Variants in PLCB1 observed in about 807,000 individuals in gnomAD.
PLCB1 encodes phospholipase C beta 1, also known as 1-phosphatidylinositol 4,5-bisphosphate phosphodiesterase beta-1.
In PLCB1, 46 loss-of-function variants were observed where a neutral mutation model predicts 161.8. The ratio of observed to expected loss-of-function variants is 0.28; its 90% CI spans 0.22 to 0.36. The LOEUF is 0.36. Ranked by LOEUF, PLCB1 falls within the 10% of genes least tolerant of loss-of-function variation. The pLI, the probability that PLCB1 is intolerant of heterozygous loss-of-function variation, is 1.00. For synonymous variants in PLCB1, 517 were observed against 503.7 expected, an observed-to-expected ratio of 1.03 and a Z score of -0.35; for missense variants, 1,016 against 1,472.5, an observed-to-expected ratio of 0.69 and a Z score of 5.07.
intron 2 of PLCB1, among the ~76,000 whole-genome samples, chr20:8,327,841 A>C (rs547862377): frequency 7.9e-5 from 12 of 152,086 alleles, no homozygotes; most frequent in Non-Finnish European, 1.5e-4. Context: ...ATTATCTTGT[A>C]GTTCATTTCA....
At chr20:8,391,006 A>G (rs1987569522) in intron 3 of PLCB1, among the ~76,000 whole-genome samples, 1 of 151,840 alleles carries the variant, frequency 6.6e-6, no homozygotes, top group African/African-American at 2.4e-5. Context: ...TGTTTGTCTA[A>G]ATGCATTTTG....
chr20:8,163,454 CA>C (rs1568574627), intron 2 of PLCB1, among the ~76,000 whole-genome samples: 1 of 152,218 alleles, frequency 6.6e-6, no homozygotes, highest in Non-Finnish European at 1.5e-5. Context: ...TACATGAAAA[CA>C]CATGGGCACC....
intron 2 of PLCB1, among the ~76,000 whole-genome samples, chr20:8,282,875 G>A (rs953678332): frequency 6.6e-6 from 1 of 152,112 alleles, no homozygotes; most frequent in Non-Finnish European, 1.5e-5. Context: ...GTATTAATTA[G>A]GATATGGGTC....
At chr20:8,645,259 A>G (rs891133143) in intron 4 of PLCB1, among the ~76,000 whole-genome samples, 3 of 151,540 alleles carry the variant, frequency 2.0e-5, no homozygotes, top group Non-Finnish European at 1.5e-5. Context: ...TTGTCCTATG[A>G]CCCTGCCAAA....
intron 3 of PLCB1, among the ~76,000 whole-genome samples, chr20:8,619,369 A>C (rs1968298399): frequency 6.6e-6 from 1 of 152,184 alleles, no homozygotes; most frequent in Admixed American, 6.5e-5. Flanking sequence ...CAGTGAGCCA[A>C]GATTGCACCA....
chr20:8,191,147 T>G lies in PLCB1; in HGVS notation c.177+40776T>G, dbSNP rs572944767. Among the ~76,000 whole-genome samples the G allele has an allele frequency of 4.6e-5, 7 of 152,168 alleles. No homozygotes were observed. The East Asian group carries it at 1.4e-3, about 29-fold the overall frequency. On this transcript the variant is annotated intron_variant, in intron 2 of 31. Coordinates refer to ENST00000338037, the MANE Select transcript of PLCB1 (RefSeq NM_015192.4). Reference sequence around the variant, plus strand: ...TTTCTTATTTTTTATTTTTTATTTTTTAATTTTTATGGGTACATAGTAGGT... The same window carrying G: ...TTTCTTATTTTTTATTTTTTATTTTGTAATTTTTATGGGTACATAGTAGGT...
chr20:8,853,927 G>A (rs371286416), intron 31 of PLCB1, among the ~76,000 whole-genome samples: 77 of 152,278 alleles, frequency 5.1e-4, no homozygotes, highest in African/African-American at 1.8e-3. Context: ...ATGGGCATAT[G>A]GTATTTCGAG....
chr20:8,270,493 A>G (rs1164035759), intron 2 of PLCB1, among the ~76,000 whole-genome samples: 9 of 152,162 alleles, frequency 5.9e-5, no homozygotes, highest in Admixed American at 2.0e-4. Context: ...TTGATACTGG[A>G]CAAGGTTTGG....
At chr20:8,801,959 C>T (rs1432375938) in intron 31 of PLCB1, 2 of 796,408 alleles carry the variant, frequency 2.5e-6, no homozygotes, top group Admixed American at 3.8e-5. Context: ...AGAAGGCACT[C>T]CAAGAGACGT....
At chr20:8,507,831 T>C (rs1983703472) in intron 3 of PLCB1, among the ~76,000 whole-genome samples, 1 of 152,116 alleles carries the variant, frequency 6.6e-6, no homozygotes, top group Non-Finnish European at 1.5e-5. Context: ...ATACAAAAAA[T>C]GGAATAAGAA....
At chr20:8,569,008 G>A (rs909890209) in intron 3 of PLCB1, among the ~76,000 whole-genome samples, 13 of 152,190 alleles carry the variant, frequency 8.5e-5, no homozygotes, top group African/African-American at 3.1e-4. Flanking sequence ...TCCCACATGA[G>A]GGGCAAGGGA....
chr20:8,620,388 A>C (rs996339867), intron 3 of PLCB1, among the ~76,000 whole-genome samples: 3 of 152,026 alleles, frequency 2.0e-5, no homozygotes, highest in Non-Finnish European at 4.4e-5. Flanking sequence ...TGATTAACAA[A>C]ATTTTTTAAG....
chr20:8,614,195 TA>T (rs199814118), intron 3 of PLCB1, among the ~76,000 whole-genome samples: 9 of 151,370 alleles, frequency 5.9e-5, no homozygotes, highest in South Asian at 4.2e-4. Context: ...CTATCAAAGA[TA>T]AAAAAAAATT....
At chr20:8,812,185 G>A (rs1041745568) in intron 31 of PLCB1, among the ~76,000 whole-genome samples, 1 of 152,102 alleles carries the variant, frequency 6.6e-6, no homozygotes, top group African/African-American at 2.4e-5. Flanking sequence ...AAAGAGAAAA[G>A]CCTGCCCCCT....
intron 3 of PLCB1, among the ~76,000 whole-genome samples, chr20:8,400,899 G>C (rs2662989): frequency 6.6e-6 from 1 of 152,066 alleles, no homozygotes; most frequent in African/African-American, 2.4e-5. Context: ...CGAATTTCCT[G>C]TTGGTGAAAT....
At position 8,751,183 on chromosome 20, in the gene PLCB1, A is replaced by C. The variant is rs1981459431; in HGVS notation, c.2524-5863A>C. 4 of 208,742 alleles carry C rather than the reference A, an allele frequency of 1.9e-5. No homozygotes were observed. The South Asian group carries it at 2.7e-4, about 14-fold the overall frequency. The allele number at this position is 208,742 out of a possible 1,614,324, so 12.9% of individuals were successfully genotyped here. ...ATGGTCTCGATCTCCTGACCTCGGG[A>C]TCCACCCGCCTCGGCCTCCCAAAGT... is the stretch of plus-strand genomic sequence containing the variant. On this transcript the variant is annotated intron_variant, in intron 23 of 31. Transcript: ENST00000338037.
At chr20:8,576,504 T>A (rs1234968661) in intron 3 of PLCB1, among the ~76,000 whole-genome samples, 1 of 152,248 alleles carries the variant, frequency 6.6e-6, no homozygotes, top group East Asian at 1.9e-4. Context: ...TTCCATACAA[T>A]CATTTAAATT....
chr20:8,667,414 A>G (rs1989839501), intron 9 of PLCB1, among the ~76,000 whole-genome samples: 1 of 152,098 alleles, frequency 6.6e-6, no homozygotes, highest in Non-Finnish European at 1.5e-5. Flanking sequence ...ATGAAAAAAA[A>G]ATTTTTCAAG....
chr20:8,775,614 C>G (rs1982904427), intron 27 of PLCB1, among the ~76,000 whole-genome samples: 2 of 152,120 alleles, frequency 1.3e-5, no homozygotes, highest in African/African-American at 4.8e-5. Context: ...TTCTGTTGTT[C>G]TAGGATAACA....
Sources: gnomAD v4.1 joint callset for allele counts (sites outside exome capture counted in the v4.1 genomes callset) on GRCh38, gnomAD v4.1.1 for gene constraint, MANE v1.5 for transcripts, NCBI Gene and HGNC (gene_info 2026-07-23, HGNC 2026-07-21) for gene names.